The following ITGBL1 variants were observed in gnomAD, a reference collection of about 807,000 sequenced individuals.
The protein encoded by ITGBL1 is integrin subunit beta like 1, also known as integrin beta-like protein 1.
In ITGBL1, 51 loss-of-function variants were observed where a neutral mutation model predicts 68.5. The observed-to-expected ratio is 0.74, with a 90% CI of 0.59 to 0.94. ITGBL1 has a LOEUF of 0.94. ITGBL1 is among the 40% of genes least tolerant of loss of function. The pLI, the probability that ITGBL1 is intolerant of heterozygous loss-of-function variation, is 0.00. For missense variants in ITGBL1, 649 were observed against 647.4 expected (o/e 1.00, Z -0.03); for synonymous variants, 209 against 227.3 (o/e 0.92, Z 0.72).
At chr13:101,623,075 C>T (rs954432534) in intron 7 of ITGBL1, among the ~76,000 whole-genome samples, 2 of 151,958 alleles carry the variant, frequency 1.3e-5, no homozygotes, top group Non-Finnish European at 2.9e-5. Flanking sequence ...TCGTTAATAA[C>T]GTGATTTTTG....
rs2034693431 is a variant in ITGBL1 at position 101,715,760 on chromosome 13, A to G, written c.*106A>G. On this transcript the variant is annotated 3_prime_UTR_variant, in exon 11 of 11. Transcript: ENST00000376180. ...ACCACTAGGACAGGTTAAAAAGACC[A>G]TTGTATGTTTTTCTATTTCTGAATT... 7 of 641,674 alleles carry G rather than the reference A, an allele frequency of 1.1e-5. No individual in the cohort carries two copies. The highest frequency in any genetic ancestry group is 1.7e-5 in the Non-Finnish European group (6 of 360,402). 39.7% of individuals were successfully genotyped at this position (641,674 alleles called of 1,614,324 possible). A position where few individuals can be genotyped will look rare whatever the true frequency, so the allele number is the denominator to read the frequency against.
At chr13:101,630,194 C>T (rs1473304211) in intron 7 of ITGBL1, among the ~76,000 whole-genome samples, 2 of 152,088 alleles carry the variant, frequency 1.3e-5, no homozygotes, top group Non-Finnish European at 2.9e-5. Context: ...TTTTCTAAAA[C>T]CTTGAATACC....
rs765265757 is a variant in ITGBL1 at position 101,692,577 on chromosome 13, C to A, written c.1016-8C>A. The A allele has an allele frequency of 1.3e-6, 2 of 1,592,212 alleles. No homozygotes were observed. Among genetic ancestry groups the A allele is most frequent in the Non-Finnish European group, 1.7e-6 (2 of 1,160,126 alleles). On this transcript the variant is annotated splice_region_variant and splice_polypyrimidine_tract_variant and intron_variant, in intron 7 of 10. Coordinates refer to ENST00000376180, the MANE Select transcript of ITGBL1 (RefSeq NM_004791.3). ...CTCATAAGTGTGCACTTTCTTTATA[C>A]TTTCCAGGTAAATGTGAATGTGGCA...
At chr13:101,543,799 C>G (rs1274534964) in intron 2 of ITGBL1, among the ~76,000 whole-genome samples, 1 of 151,630 alleles carries the variant, frequency 6.6e-6, no homozygotes, top group African/African-American at 2.4e-5. Context: ...TTGCTTCATT[C>G]ATTTGATCAT....
chr13:101,500,808 G>T (rs1426516944), intron 2 of ITGBL1, among the ~76,000 whole-genome samples: 3 of 152,142 alleles, frequency 2.0e-5, no homozygotes, highest in African/African-American at 7.2e-5. Flanking sequence ...TAAGTCCTTT[G>T]TGAGGCTTGA....
At chr13:101,507,469 A>G (rs961779413) in intron 2 of ITGBL1, among the ~76,000 whole-genome samples, 1 of 151,976 alleles carries the variant, frequency 6.6e-6, no homozygotes, top group African/African-American at 2.4e-5. Flanking sequence ...TTCTAGAATG[A>G]TTTTTTACCT....
At chr13:101,656,489 A>G (rs2032929158) in intron 7 of ITGBL1, among the ~76,000 whole-genome samples, 1 of 152,170 alleles carries the variant, frequency 6.6e-6, no homozygotes, top group Non-Finnish European at 1.5e-5. Flanking sequence ...GCCACAATAT[A>G]TAGGGTTAAA....
At chr13:101,572,545 C>CTAGAGGCTGAGT (rs965501011) in intron 3 of ITGBL1, among the ~76,000 whole-genome samples, 4 of 152,110 alleles carry the variant, frequency 2.6e-5, no homozygotes, top group Admixed American at 2.6e-4. Flanking sequence ...AAGACCAGTC[C>CTAGAGGCTGAGT]TAGAGGCTGA....
At chr13:101,461,116 A>T (rs1250675117) in intron 2 of ITGBL1, among the ~76,000 whole-genome samples, 1 of 152,180 alleles carries the variant, frequency 6.6e-6, no homozygotes, top group Non-Finnish European at 1.5e-5. Flanking sequence ...GAAATTCAGG[A>T]GTTATTTTCT....
At chr13:101,671,629 G>A (rs866543373) in intron 7 of ITGBL1, among the ~76,000 whole-genome samples, 11 of 150,158 alleles carry the variant, frequency 7.3e-5, no homozygotes, top group Middle Eastern at 3.4e-3. Flanking sequence ...TAGTAGAGGC[G>A]GGGTTTCACC....
chr13:101,675,347 G>C (rs1237057603), intron 7 of ITGBL1, among the ~76,000 whole-genome samples: 1 of 151,914 alleles, frequency 6.6e-6, no homozygotes, highest in East Asian at 1.9e-4. Context: ...ATTTGTGTTA[G>C]TTTGCAAAGA....
chr13:101,624,285 G>A lies in ITGBL1; in HGVS notation c.1015+25986G>A, dbSNP rs554262325. Among the ~76,000 whole-genome samples, 3 of 152,202 alleles carry A rather than the reference G, an allele frequency of 2.0e-5. No homozygotes were observed. The East Asian group carries it at 5.8e-4, about 29-fold the overall frequency. On this transcript the variant is annotated intron_variant, in intron 7 of 10. Coordinates refer to ENST00000376180, the MANE Select transcript of ITGBL1 (RefSeq NM_004791.3). Reference sequence around the variant, plus strand: ...CAAATGTGAAAACTATTGCTTTAGCGAAAGCAAACACCGTTACTTCCTGAA... The same window carrying A: ...CAAATGTGAAAACTATTGCTTTAGCAAAAGCAAACACCGTTACTTCCTGAA...
chr13:101,569,240 T>G (rs565068247), intron 3 of ITGBL1, among the ~76,000 whole-genome samples: 6 of 152,300 alleles, frequency 3.9e-5, no homozygotes, highest in Admixed American at 3.9e-4. Flanking sequence ...TTGGGATTTA[T>G]TTATTTATTG....
At chr13:101,453,052 TTTCA>T (rs1594816679) in intron 1 of ITGBL1, 121 bp downstream of exon 1, 1 of 733,326 alleles carries the variant, frequency 1.4e-6, no homozygotes, top group East Asian at 2.6e-5. Context: ...GATAAACTGT[TTTCA>T]ACCTGTTCCT....
chr13:101,618,272 C>T (rs184915810), intron 7 of ITGBL1, among the ~76,000 whole-genome samples: 104 of 152,228 alleles, frequency 6.8e-4, no homozygotes, highest in Non-Finnish European at 1.2e-3. Flanking sequence ...AAAGACTTAG[C>T]AACAAAAAGC....
chr13:101,606,985 A>G lies in ITGBL1; in HGVS notation c.1015+8686A>G, dbSNP rs149236573. On this transcript the variant is annotated intron_variant, in intron 7 of 10. Transcript: ENST00000376180. ...TTTGTATTATATACATAATTTATAA[A>G]TGCCATAATTTATATTCTTGTAGCA... Among the ~76,000 whole-genome samples the G allele has an allele frequency of 7.9e-3, 1,202 of 152,132 alleles. 16 individuals carry two copies. The highest frequency in any genetic ancestry group is 0.028 in the African/African-American group (1,164 of 41,542).
At chr13:101,491,129 G>A (rs2048769771) in intron 2 of ITGBL1, among the ~76,000 whole-genome samples, 1 of 152,140 alleles carries the variant, frequency 6.6e-6, no homozygotes, top group African/African-American at 2.4e-5. Flanking sequence ...GTAAATTACT[G>A]TGAATAATTT....
intron 2 of ITGBL1, among the ~76,000 whole-genome samples, chr13:101,468,530 A>T (rs1463227749): frequency 2.0e-5 from 3 of 152,188 alleles, no homozygotes; most frequent in African/African-American, 7.2e-5. Context: ...AAATCAATAG[A>T]AGGGTTTTCT....
chr13:101,531,756 G>A (rs1219890241), intron 2 of ITGBL1, among the ~76,000 whole-genome samples: 5 of 145,894 alleles, frequency 3.4e-5, no homozygotes, highest in Admixed American at 6.8e-5. Context: ...TTTTTTAGAC[G>A]GAGTCTCGCT....
Sources: allele counts gnomAD v4.1 joint callset (sites outside exome capture counted in the v4.1 genomes callset), GRCh38; gene constraint gnomAD v4.1.1; transcripts MANE v1.5; gene names NCBI Gene and HGNC (gene_info 2026-07-23, HGNC 2026-07-21).